Variants in PCDH10 observed in about 807,000 individuals in gnomAD.
PCDH10 encodes protocadherin-10.
In PCDH10, 15 loss-of-function variants were observed where a neutral mutation model predicts 74.4. The observed-to-expected ratio is 0.20, with a 90% CI of 0.13 to 0.31. The LOEUF (loss-of-function observed/expected upper bound fraction) is 0.31. Among genes scored for constraint, PCDH10 ranks in the 10% least tolerant of loss-of-function variants. The probability of loss-of-function intolerance (pLI) is 1.00; values close to 1 mark genes in which losing one functional copy is unlikely to be tolerated. For synonymous variants in PCDH10, 619 were observed against 589.8 expected, an observed-to-expected ratio of 1.05 and a Z score of -0.72; for missense variants, 1,260 against 1,390.2, an observed-to-expected ratio of 0.91 and a Z score of 1.49.
In PCDH10 at chr4:133,190,910, C is replaced by G. The variant is rs902425875; in HGVS notation, c.*750C>G. ...GAAAAAATCATTAATAGTTTTCTCC[C>G]AATTTCCATATCTTACTCAACCGTG... On this transcript the variant is annotated 3_prime_UTR_variant, in exon 5 of 5. Transcript: ENST00000264360. The G allele has an allele frequency of 7.9e-5, 12 of 152,162 alleles. No individual in the cohort carries two copies. The highest frequency in any genetic ancestry group is 2.4e-4 in the African/African-American group (10 of 41,406). 9.4% of individuals were successfully genotyped at this position (152,162 alleles called of 1,614,324 possible). A position where few individuals can be genotyped will look rare whatever the true frequency, so the allele number is the denominator to read the frequency against.
intron 4 of PCDH10, among the ~76,000 whole-genome samples, chr4:133,165,140 T>G (rs1727051961): frequency 6.7e-6 from 1 of 150,048 alleles, no homozygotes; most frequent in African/African-American, 2.4e-5. Flanking sequence ...TTAATTGTAG[T>G]TTTTTTCCCT....
Position 133,192,302 on chromosome 4 carries a change from G to C in PCDH10, c.*2142G>C, listed in dbSNP as rs1727694941. ...TTATACATAATTTAACTGGAAAAAA[G>C]TCTGTTTGTTCCAACTCTTTTTTTT... On this transcript the variant is annotated 3_prime_UTR_variant, in exon 5 of 5. Transcript: ENST00000264360. 2.6e-5 allele frequency: 4 copies of C among 151,578 alleles called. No individual in the cohort carries two copies. The South Asian group carries it at 6.2e-4, about 24-fold the overall frequency. The allele number at this position is 151,578 out of a possible 1,614,324, so 9.4% of individuals were successfully genotyped here. A position where few individuals can be genotyped will look rare whatever the true frequency, so the allele number is the denominator to read the frequency against.
At chr4:133,173,320 G>A (rs1166150596) in intron 4 of PCDH10, among the ~76,000 whole-genome samples, 1 of 151,986 alleles carries the variant, frequency 6.6e-6, no homozygotes, top group Admixed American at 6.6e-5. Flanking sequence ...ATATAGATAA[G>A]ATGGTAATCA....
chr4:133,198,439 A>T (rs530220754), downstream of PCDH10, among the ~76,000 whole-genome samples: 1 of 152,322 alleles, frequency 6.6e-6, no homozygotes, highest in Admixed American at 6.5e-5. Context: ...AAAGTGGTAC[A>T]ATAGTCCTTA....
intron 4 of PCDH10, among the ~76,000 whole-genome samples, chr4:133,182,632 A>G (rs1727440933): frequency 6.6e-6 from 1 of 152,072 alleles, no homozygotes. Context: ...GATATTATAA[A>G]CATGCAGAGA....
chr4:133,200,805 A>G (rs1043212873), intron 2 of PCDH10, among the ~76,000 whole-genome samples: 33 of 152,158 alleles, frequency 2.2e-4, no homozygotes, highest in African/African-American at 8.0e-4. Flanking sequence ...CTATGTTTCC[A>G]TTCTCTGTGT....
intron 3 of PCDH10, among the ~76,000 whole-genome samples, chr4:133,157,954 C>T (rs1272371106): frequency 6.6e-6 from 1 of 152,082 alleles, no homozygotes; most frequent in African/African-American, 2.4e-5. Context: ...CACCTGGCTC[C>T]ATGTGTGAAA....
chr4:133,162,877 C>G, intron 3 of PCDH10, 100 bp from the exon 4 acceptor site: 1 of 988,458 alleles, frequency 1.0e-6, no homozygotes, highest in Non-Finnish European at 1.5e-6. Flanking sequence ...GTTAAGACAA[C>G]TTCACTTGTC....
intron 4 of PCDH10, among the ~76,000 whole-genome samples, chr4:133,182,082 C>A (rs1214967413): frequency 1.3e-5 from 2 of 151,906 alleles, no homozygotes; most frequent in African/African-American, 4.8e-5. Flanking sequence ...GGAATTTATA[C>A]TTGATTTTCG....
chr4:133,156,734 G>A (rs1726874300), intron 3 of PCDH10, among the ~76,000 whole-genome samples: 1 of 152,112 alleles, frequency 6.6e-6, no homozygotes, highest in Admixed American at 6.6e-5. Flanking sequence ...TTTTCCTGTA[G>A]CACTTCAATC....
In PCDH10 at chr4:133,151,398, C is replaced by T. The variant is rs1437386083; in HGVS notation, c.1258C>T (p.Pro420Ser). 1.9e-6 allele frequency: 3 copies of T among 1,614,046 alleles called. No homozygotes were observed. Among genetic ancestry groups the T allele is most frequent in the South Asian group, 2.2e-5 (2 of 91,088 alleles). Residue 420 changes from proline to serine, a missense_variant, in exon 1 of 5, where the codon CCC becomes TCC. This residue lies in a region of PCDH10 where 112 missense variants were observed against 123.6 expected (regional missense o/e 0.91). Transcript: ENST00000264360. ...TTACTACACCATCGTTACCGAAGCC[C>T]CCCTGGACCGAGAGGCGGGGGACTC... ...KNYYTIVTEAPLDREAGDSYT... is the reference protein window; with the variant it reads ...KNYYTIVTEASLDREAGDSYT...
intron 4 of PCDH10, among the ~76,000 whole-genome samples, chr4:133,187,047 C>T (rs114928216): frequency 0.033 from 5,012 of 152,198 alleles, 137 homozygotes; most frequent in Admixed American, 0.062. Flanking sequence ...TGTTTAAACT[C>T]AACCCGTAGA....
rs563007379 is a variant in PCDH10, at chr4:133,150,192, T to A, written c.52T>A (p.Ser18Thr). ...GCTCTGGATGGTGGAAGGAGTCTTT[T>A]CCCAGCTTCACTACACGGTACAGGA... ...ALLWMVEGVF[S>T]QLHYTVQEEQ... Residue 18 changes from serine to threonine, a missense_variant, in exon 1 of 5, where the codon TCC (serine) becomes ACC (threonine). Physicochemically the swap from Ser to Thr is moderately conservative, Grantham distance 58. This residue lies in a region of PCDH10 where 103 missense variants were observed against 91.5 expected (regional missense o/e 1.13). Coordinates refer to ENST00000264360, the MANE Select transcript of PCDH10 (RefSeq NM_032961.3). 6 of 1,603,376 alleles carry A rather than the reference T, an allele frequency of 3.7e-6. No individual in the cohort carries two copies. The Admixed American group carries it at 6.9e-5, about 18-fold the overall frequency.
In PCDH10 at chr4:133,182,005, C is replaced by T. The variant is rs77519283; in HGVS notation, c.3104-8136C>T. Among the ~76,000 whole-genome samples the T allele has an allele frequency of 1.5e-3, 234 of 152,094 alleles. 3 individuals are homozygous for T. The East Asian group carries it at 0.041, about 26-fold the overall frequency. ...TTATTGATGGTTAATACATTAGCTA[C>T]GTGGCTATATGTTTTTTAATGAAGG... is the stretch of plus-strand genomic sequence containing the variant. On this transcript the variant is annotated intron_variant, in intron 4 of 4. Transcript: ENST00000264360.
intron 1 of PCDH10, chr4:133,153,013 G>T (rs1560704747): frequency 1.4e-6 from 2 of 1,432,868 alleles, no homozygotes; most frequent in Non-Finnish European, 1.8e-6. Context: ...TGCCACCTTG[G>T]AGCTCCCTCC....
At chr4:133,198,831 T>G (rs537824658), downstream of PCDH10, among the ~76,000 whole-genome samples, 1 of 152,208 alleles carries the variant, frequency 6.6e-6, no homozygotes, top group Non-Finnish European at 1.5e-5. Flanking sequence ...TGAAAAGGTA[T>G]ATTAGGTGAT....
chr4:133,150,546 A>G lies in PCDH10; in HGVS notation c.406A>G (p.Thr136Ala), dbSNP rs1411039109. 2.5e-6 allele frequency: 4 copies of G among 1,613,546 alleles called. No homozygotes were observed. The highest frequency in any genetic ancestry group is 3.4e-6 in the Non-Finnish European group (4 of 1,179,952). ...GACGGTGGAAATCTCTGAGAGCGCC[A>G]CGCCAGGCACTCGCTTCCCCTTGGA... ...DLTVEISESATPGTRFPLESA... is the reference protein window; with the variant it reads ...DLTVEISESAAPGTRFPLESA... Residue 136 changes from threonine (T) to alanine (A), a missense_variant, in exon 1 of 5, where the codon ACG becomes GCG. Transcript: ENST00000264360.
chr4:133,164,861 A>C (rs1169631782), intron 4 of PCDH10, among the ~76,000 whole-genome samples: 1 of 150,684 alleles, frequency 6.6e-6, no homozygotes, highest in Non-Finnish European at 1.5e-5. Flanking sequence ...AAATTTATTA[A>C]CAGTTATGTG....
intron 3 of PCDH10, among the ~76,000 whole-genome samples, chr4:133,158,204 T>C (rs2125861398): frequency 6.6e-6 from 1 of 152,320 alleles, no homozygotes; most frequent in East Asian, 1.9e-4. Flanking sequence ...TAAAGCATAA[T>C]TATTTCTTCT....
Sources: gnomAD v4.1 joint callset for allele counts (sites outside exome capture counted in the v4.1 genomes callset) on GRCh38, gnomAD v4.1.1 for gene constraint, gnomAD v4.1.1 regional missense constraint, MANE v1.5 for transcripts, NCBI Gene and HGNC (gene_info 2026-07-23, HGNC 2026-07-21) for gene names.